BICC1: variants seen among roughly 807,000 people sequenced by gnomAD.
BICC1 encodes protein bicaudal C homolog 1.
Under a neutral mutation model 111.0 loss-of-function variants are expected in BICC1, and 43 were observed. The ratio of observed to expected loss-of-function variants is 0.39; its 90% CI spans 0.30 to 0.50. BICC1 has a LOEUF of 0.50. BICC1 is among the 20% of genes least tolerant of loss of function. BICC1 has a pLI of 0.88. For missense variants in BICC1, 1,091 were observed against 1,203.2 expected, an observed-to-expected ratio of 0.91 and a Z score of 1.38; for synonymous variants, 467 against 434.4, an observed-to-expected ratio of 1.07 and a Z score of -0.93.
At position 58,773,060 on chromosome 10, in the gene BICC1, A is replaced by G. The variant is rs184031775; in HGVS notation, c.308-11941A>G. On this transcript the variant is annotated intron_variant, in intron 3 of 20. Coordinates refer to ENST00000373886, the MANE Select transcript of BICC1 (RefSeq NM_001080512.3). ...GATTATATGATTAAAATGCATTTGC[A>G]TAGCCTTTGGGGAAATGGAGGAGGG... Among the ~76,000 whole-genome samples the G allele has an allele frequency of 1.6e-4, 25 of 152,336 alleles. No individual in the cohort carries two copies. The East Asian group carries it at 4.8e-3, about 29-fold the overall frequency.
intron 3 of BICC1, among the ~76,000 whole-genome samples, chr10:58,784,671 A>G (rs1057011240): frequency 8.0e-6 from 1 of 125,478 alleles, no homozygotes; most frequent in Non-Finnish European, 1.7e-5. Context: ...CAGAAGCTCA[A>G]TTAATAAATC....
At chr10:58,652,388 A>G (rs545454380) in intron 2 of BICC1, among the ~76,000 whole-genome samples, 3 of 152,232 alleles carry the variant, frequency 2.0e-5, no homozygotes, top group South Asian at 4.1e-4. Flanking sequence ...GGGGCTCTAG[A>G]CACAGTCTTT....
intron 1 of BICC1, among the ~76,000 whole-genome samples, chr10:58,615,266 C>A (rs1227633834): frequency 1.3e-5 from 2 of 152,196 alleles, no homozygotes; most frequent in Admixed American, 6.5e-5. Context: ...GTTTGCAGAG[C>A]AAACTACAGA....
chr10:58,654,303 G>A (rs1588977315), intron 2 of BICC1, among the ~76,000 whole-genome samples: 1 of 104,570 alleles, frequency 9.6e-6, no homozygotes, highest in East Asian at 2.8e-4. Context: ...CACCAACAGT[G>A]TGAAAGTGTT....
chr10:58,643,869 A>G (rs1181590462), intron 2 of BICC1, among the ~76,000 whole-genome samples: 1 of 152,176 alleles, frequency 6.6e-6, no homozygotes, highest in African/African-American at 2.4e-5. Flanking sequence ...GCTTCTGTTA[A>G]TTACCTAATG....
intron 2 of BICC1, among the ~76,000 whole-genome samples, chr10:58,632,861 G>GATA (rs1564522722): frequency 6.6e-6 from 1 of 150,702 alleles, no homozygotes; most frequent in East Asian, 2.0e-4. Flanking sequence ...ATAGATAGAT[G>GATA]GATAGATAGA....
At chr10:58,634,539 T>G (rs896440136) in intron 2 of BICC1, among the ~76,000 whole-genome samples, 1 of 152,228 alleles carries the variant, frequency 6.6e-6, no homozygotes, top group African/African-American at 2.4e-5. Context: ...CAGGTGACAT[T>G]ACTCTGTAGC....
At chr10:58,717,537 A>T (rs1421686659) in intron 3 of BICC1, among the ~76,000 whole-genome samples, 1 of 152,230 alleles carries the variant, frequency 6.6e-6, no homozygotes. Context: ...GAGTTAAAAA[A>T]ATAAGCAGAG....
At chr10:58,662,599 T>C (rs970789665) in intron 2 of BICC1, among the ~76,000 whole-genome samples, 2 of 152,294 alleles carry the variant, frequency 1.3e-5, no homozygotes, top group South Asian at 4.1e-4. Context: ...ACTCTGTCAC[T>C]GATTATCTCG....
At chr10:58,550,324 A>G (rs1251841130) in intron 1 of BICC1, among the ~76,000 whole-genome samples, 4 of 152,168 alleles carry the variant, frequency 2.6e-5, no homozygotes, top group East Asian at 3.9e-4. Context: ...GCCCCGCTGT[A>G]TATTTTATAT....
chr10:58,609,271 TCCTC>T (rs1206501994), intron 1 of BICC1, among the ~76,000 whole-genome samples: 1 of 152,216 alleles, frequency 6.6e-6, no homozygotes, highest in Non-Finnish European at 1.5e-5. Context: ...ACCTTTTCCT[TCCTC>T]CTGCAAAATG....
chr10:58,667,705 A>C (rs1839059995), intron 2 of BICC1, among the ~76,000 whole-genome samples: 2 of 152,130 alleles, frequency 1.3e-5, no homozygotes, highest in Non-Finnish European at 2.9e-5. Context: ...TTTACCTTTT[A>C]AAGTAACTAC....
At chr10:58,652,276 A>T (rs1244940944) in intron 2 of BICC1, among the ~76,000 whole-genome samples, 1 of 152,112 alleles carries the variant, frequency 6.6e-6, no homozygotes, top group Non-Finnish European at 1.5e-5. Context: ...TATTGCTTGG[A>T]TAAGTAAAAA....
intron 17 of BICC1, among the ~76,000 whole-genome samples, chr10:58,811,072 C>T (rs962098516): frequency 6.6e-6 from 1 of 152,142 alleles, no homozygotes; most frequent in African/African-American, 2.4e-5. Context: ...TAATCTACTT[C>T]AAAGAGATCC....
chr10:58,706,809 T>G (rs1840399144), intron 3 of BICC1, among the ~76,000 whole-genome samples: 1 of 152,236 alleles, frequency 6.6e-6, no homozygotes, highest in South Asian at 2.1e-4. Context: ...CATGCAGAAC[T>G]GTGGGTCAAT....
At chr10:58,693,130 G>T (rs970629461) in intron 2 of BICC1, among the ~76,000 whole-genome samples, 1 of 151,956 alleles carries the variant, frequency 6.6e-6, no homozygotes, top group African/African-American at 2.4e-5. Context: ...TTGTCCTTGC[G>T]ATAGTTTGCT....
chr10:58,687,735 T>G (rs1839783011), intron 2 of BICC1, among the ~76,000 whole-genome samples: 1 of 152,094 alleles, frequency 6.6e-6, no homozygotes, highest in Non-Finnish European at 1.5e-5. Context: ...AGTATTAGGG[T>G]GGGAGTGTCC....
chr10:58,693,435 C>T (rs920262853), intron 2 of BICC1, among the ~76,000 whole-genome samples: 31 of 152,308 alleles, frequency 2.0e-4, no homozygotes, highest in African/African-American at 7.2e-4. Context: ...GGAATCGCCA[C>T]ACTGACTTCC....
chr10:58,818,818 G>A (rs1414500428), intron 19 of BICC1, among the ~76,000 whole-genome samples: 1 of 152,064 alleles, frequency 6.6e-6, no homozygotes, highest in East Asian at 1.9e-4. Context: ...TTAGATGATG[G>A]TAGCTGGAAG....
Sources: gnomAD v4.1 joint callset for allele counts (sites outside exome capture counted in the v4.1 genomes callset) on GRCh38, gnomAD v4.1.1 for gene constraint, MANE v1.5 for transcripts, NCBI Gene and HGNC (gene_info 2026-07-23, HGNC 2026-07-21) for gene names.